CNTNAP3: variants seen among roughly 807,000 people sequenced by gnomAD.
CNTNAP3 encodes contactin-associated protein-like 3.
A neutral mutation model predicts 92.1 loss-of-function variants in CNTNAP3; 36 were observed. That is an observed-to-expected ratio of 0.39 (90% CI 0.30 to 0.52). The LOEUF is 0.52. Ranked by LOEUF, CNTNAP3 falls within the 20% of genes least tolerant of loss-of-function variation. The pLI, the probability that CNTNAP3 is intolerant of heterozygous loss-of-function variation, is 0.76. For missense variants in CNTNAP3, 534 were observed against 1,069.6 expected (o/e 0.50, Z 6.98); for synonymous variants, 232 against 422.3 (o/e 0.55, Z 5.53).
In CNTNAP3 at chr9:39,276,633, G is replaced by A. The variant is rs1294249350; in HGVS notation, c.86-9627C>T. 8.6e-5 allele frequency among the ~76,000 whole-genome samples: 3 copies of A among 34,872 alleles called. 1 individual carries two copies. The highest frequency in any genetic ancestry group is 2.7e-4 in the Non-Finnish European group (3 of 10,956). 22.9% of individuals were successfully genotyped at this position (34,872 alleles called of 152,430 possible). A position where few individuals can be genotyped will look rare whatever the true frequency, so the allele number is the denominator to read the frequency against. On this transcript the variant is annotated intron_variant, in intron 1 of 23. Transcript: ENST00000297668. ...TTAAGAAACTCACTCAAAACCGCTCGACTACATGGAAACTGAACAACCTGC... is the reference window on the plus strand; with the variant it reads ...TTAAGAAACTCACTCAAAACCGCTCAACTACATGGAAACTGAACAACCTGC...
At chr9:39,092,207 G>GT (rs1826221243) in intron 18 of CNTNAP3, among the ~76,000 whole-genome samples, 1 of 144,526 alleles carries the variant, frequency 6.9e-6, no homozygotes, top group African/African-American at 2.6e-5. Context: ...TTTTGGTTTG[G>GT]TTAATTTTTT....
intron 13 of CNTNAP3, among the ~76,000 whole-genome samples, chr9:39,131,025 T>C (rs540790182): frequency 2.0e-5 from 3 of 151,860 alleles, no homozygotes; most frequent in African/African-American, 7.3e-5. Flanking sequence ...AGAGGAGAAA[T>C]AGGGAAATTC....
intron 13 of CNTNAP3, among the ~76,000 whole-genome samples, chr9:39,120,705 C>T (rs1428560947): frequency 6.6e-6 from 1 of 151,906 alleles, no homozygotes. Context: ...CTTTTTAACA[C>T]AAAAGAAAAC....
Position 39,140,556 on chromosome 9 carries a change from G to C in CNTNAP3, c.1839C>G (p.Gly613=), listed in dbSNP as rs991287561. The stretch of plus-strand genomic sequence containing the variant: ...AGTACACAAGAAATGGTCCCAGGGG[G>C]CCACTTCCATCTGCATCAATATAGT... The part of the protein sequence containing the change: ...GLYYIDADGS[G]PLGPFLVYCN... Residue 613 remains glycine (G), a synonymous_variant, in exon 12 of 24, where the codon GGC becomes GGG. Transcript: ENST00000297668. The C allele has an allele frequency of 1.2e-6, 2 of 1,613,668 alleles. No individual in the cohort carries two copies. The highest frequency in any genetic ancestry group is 1.7e-4 in the Middle Eastern group (1 of 6,052).
At chr9:39,093,565 A>G (rs1826260142) in intron 18 of CNTNAP3, among the ~76,000 whole-genome samples, 1 of 151,158 alleles carries the variant, frequency 6.6e-6, no homozygotes, top group South Asian at 2.1e-4. Flanking sequence ...CCTTGAATCT[A>G]CTTTGTCTCT....
At chr9:39,081,815 A>C (rs1474945171) in intron 21 of CNTNAP3, among the ~76,000 whole-genome samples, 1 of 151,540 alleles carries the variant, frequency 6.6e-6, no homozygotes, top group Non-Finnish European at 1.5e-5. Flanking sequence ...ACGGTGGCTC[A>C]TGCCTGTAAT....
rs553245046 is a variant in CNTNAP3, at chr9:39,090,241, T to G, written c.2996-1594A>C. On this transcript the variant is annotated intron_variant, in intron 18 of 23. Transcript: ENST00000297668. ...GGTGTGAGCCACCACGCACAGCATCTTATTCAGTTGTAAAAGCTCTTTAAA... is the reference window on the plus strand; with the variant it reads ...GGTGTGAGCCACCACGCACAGCATCGTATTCAGTTGTAAAAGCTCTTTAAA... Among the ~76,000 whole-genome samples the G allele has an allele frequency of 2.0e-3, 309 of 152,312 alleles. 1 individual carries two copies. The highest frequency in any genetic ancestry group is 4.8e-3 in the Admixed American group (74 of 15,298).
rs58222505 is a variant in CNTNAP3 at position 39,152,162 on chromosome 9, A to G, written c.1478-2185T>C. On this transcript the variant is annotated intron_variant, in intron 9 of 23. Coordinates refer to ENST00000297668, the MANE Select transcript of CNTNAP3 (RefSeq NM_033655.5). ...TACTGGAATAAATGAAGCACCCCTC[A>G]ATGCCTGTACTCTTATTTCCTCCCT... 9.9e-3 allele frequency among the ~76,000 whole-genome samples: 1,302 copies of G among 131,138 alleles called. 21 individuals carry two copies. The highest frequency in any genetic ancestry group is 0.036 in the African/African-American group (1,233 of 34,610). The allele number at this position is 131,138 out of a possible 152,430, so 86.0% of individuals were successfully genotyped here.
At position 39,103,994 on chromosome 9, in the gene CNTNAP3, T is replaced by G. The variant is rs1200842994; in HGVS notation, c.2366-80A>C. 1.3e-5 allele frequency: 20 copies of G among 1,502,042 alleles called. No individual in the cohort carries two copies. In the East Asian group the frequency reaches 4.7e-4, roughly 35 times the overall value. 93.0% of individuals were successfully genotyped at this position (1,502,042 alleles called of 1,614,324 possible). ...CAGCTACATTTGATACTTACAGGAT[T>G]ATGACTGCTAAATACATTAATAGAA... On this transcript the variant is annotated intron_variant, in intron 15 of 23. Transcript: ENST00000297668.
At position 39,119,090 on chromosome 9, in the gene CNTNAP3, A is replaced by T. The variant is rs528105526; in HGVS notation, c.2081-831T>A. 2.6e-5 allele frequency among the ~76,000 whole-genome samples: 4 copies of T among 152,254 alleles called. No individual in the cohort carries two copies. The East Asian group carries it at 7.7e-4, about 29-fold the overall frequency. The stretch of plus-strand genomic sequence containing the variant: ...GTCAGGCCACCTATCTTAAAAAAGG[A>T]AGGGGGTCAGGGGCCACAAGTTGCA... On this transcript the variant is annotated intron_variant, in intron 13 of 23. Transcript: ENST00000297668.
At chr9:39,088,879 A>C (rs2118430817) in intron 18 of CNTNAP3, among the ~76,000 whole-genome samples, 1 of 152,224 alleles carries the variant, frequency 6.6e-6, no homozygotes, top group South Asian at 2.1e-4. Context: ...CTAACACTTA[A>C]TAGAGATTTT....
intron 13 of CNTNAP3, among the ~76,000 whole-genome samples, chr9:39,119,866 A>G (rs1468679505): frequency 6.6e-6 from 1 of 152,198 alleles, no homozygotes; most frequent in Non-Finnish European, 1.5e-5. Flanking sequence ...TAGAGTGAAA[A>G]GACAGAGGAC....
chr9:39,133,215 T>G, intron 12 of CNTNAP3, 80 bp from the exon 13 acceptor site: 2 of 1,465,194 alleles, frequency 1.4e-6, no homozygotes, highest in East Asian at 2.5e-5. Flanking sequence ...CTGTCTTTTA[T>G]GTGAATTAAC....
intron 14 of CNTNAP3, among the ~76,000 whole-genome samples, chr9:39,114,076 A>T (rs1443614915): frequency 6.8e-6 from 1 of 146,802 alleles, no homozygotes; most frequent in East Asian, 2.0e-4. Flanking sequence ...ATACACACAC[A>T]CATACTTTTT....
chr9:39,086,219 G>A lies in CNTNAP3; in HGVS notation c.3355-396C>T, dbSNP rs147525001. The A allele has an allele frequency of 3.1e-3, 805 of 258,510 alleles. 4 individuals are homozygous for A. Among genetic ancestry groups the A allele is most frequent in the African/African-American group, 0.016 (682 of 43,922 alleles). 16.0% of individuals were successfully genotyped at this position (258,510 alleles called of 1,614,324 possible). ...TACAGTATATTTTCCTTCCAATGCC[G>A]ATGACAATGTGTAATTTACTTCCTC... is the stretch of plus-strand genomic sequence containing the variant. On this transcript the variant is annotated intron_variant, in intron 20 of 23. Transcript: ENST00000297668.
At chr9:39,097,466 T>C (rs1261225254) in intron 18 of CNTNAP3, among the ~76,000 whole-genome samples, 1 of 151,442 alleles carries the variant, frequency 6.6e-6, no homozygotes, top group African/African-American at 2.5e-5. Flanking sequence ...TCCTTACAAG[T>C]AAGCTGGAGT....
chr9:39,133,747 C>T (rs1417436083), intron 12 of CNTNAP3, among the ~76,000 whole-genome samples: 2 of 151,822 alleles, frequency 1.3e-5, no homozygotes, highest in Admixed American at 1.3e-4. Flanking sequence ...ATCTCTGTCA[C>T]TTGATTACTT....
intron 13 of CNTNAP3, among the ~76,000 whole-genome samples, chr9:39,122,271 C>T (rs1355836144): frequency 1.3e-5 from 2 of 152,246 alleles, no homozygotes; most frequent in East Asian, 1.9e-4. Flanking sequence ...GGGAGAATGA[C>T]GTGAACCCAG....
At chr9:39,119,045 G>A (rs1820937276) in intron 13 of CNTNAP3, among the ~76,000 whole-genome samples, 1 of 152,060 alleles carries the variant, frequency 6.6e-6, no homozygotes, top group African/African-American at 2.4e-5. Context: ...AGTAAAGTTA[G>A]GATAATTTAA....
Sources: allele counts gnomAD v4.1 joint callset (sites outside exome capture counted in the v4.1 genomes callset), GRCh38; gene constraint gnomAD v4.1.1; transcripts MANE v1.5; gene names NCBI Gene and HGNC (gene_info 2026-07-23, HGNC 2026-07-21).